The following PTPRT variants were observed in gnomAD, a reference collection of about 807,000 sequenced individuals.
PTPRT encodes the protein protein tyrosine phosphatase receptor type T, also known as receptor-type tyrosine-protein phosphatase T.
In PTPRT, 56 loss-of-function variants were observed where a neutral mutation model predicts 176.8. The observed-to-expected ratio is 0.32, with a 90% confidence interval of 0.26 to 0.40. The LOEUF (loss-of-function observed/expected upper bound fraction) is 0.40. Ranked by LOEUF, PTPRT falls within the 10% of genes least tolerant of loss-of-function variation. The probability of loss-of-function intolerance (pLI) is 1.00; values close to 1 mark genes in which losing one functional copy is unlikely to be tolerated. For synonymous variants in PTPRT, 783 were observed against 739.0 expected (o/e 1.06, Z -0.96); for missense variants, 1,540 against 1,908.2 (o/e 0.81, Z 3.60).
chr20:42,457,797 A>T (rs1257465854), intron 8 of PTPRT, among the ~76,000 whole-genome samples: 5 of 152,176 alleles, frequency 3.3e-5, no homozygotes, highest in Non-Finnish European at 4.4e-5. Context: ...TAGTTACCAC[A>T]GACACTACCC....
At chr20:43,085,621 G>A (rs2011582846) in intron 1 of PTPRT, among the ~76,000 whole-genome samples, 2 of 152,104 alleles carry the variant, frequency 1.3e-5, no homozygotes, top group Non-Finnish European at 2.9e-5. Flanking sequence ...ATGCCAGCAG[G>A]CAAGATAGAG....
In PTPRT at chr20:42,712,103, G is replaced by A. The variant is rs76215245; in HGVS notation, c.860-33944C>T. On this transcript the variant is annotated intron_variant, in intron 6 of 30. Transcript: ENST00000373187. Reference sequence around the variant, plus strand: ...CCTGGACTAATGAGACAAAGGTGATGCAGGAGATGCCAAGCATGAGGGCAT... The same window carrying A: ...CCTGGACTAATGAGACAAAGGTGATACAGGAGATGCCAAGCATGAGGGCAT... Among the ~76,000 whole-genome samples the A allele has an allele frequency of 8.3e-4, 126 of 152,284 alleles. 2 individuals are homozygous for A. In the East Asian group the frequency reaches 0.02, roughly 25 times the overall value.
At chr20:42,930,534 G>A (rs1409677987) in intron 1 of PTPRT, among the ~76,000 whole-genome samples, 2 of 151,922 alleles carry the variant, frequency 1.3e-5, no homozygotes, top group African/African-American at 4.8e-5. Flanking sequence ...CCAGGCTGGA[G>A]TGCAGTGGTA....
At chr20:42,411,517 CAAAAAAAAAAA>C (rs10591184) in intron 9 of PTPRT, among the ~76,000 whole-genome samples, 8 of 88,342 alleles carry the variant, frequency 9.1e-5, no homozygotes, top group Non-Finnish European at 1.7e-4. Context: ...AACCCTGTCT[CAAAAAAAAAAA>C]AAAAAAAAAA....
At chr20:42,897,522 C>T (rs757173626) in intron 1 of PTPRT, among the ~76,000 whole-genome samples, 3 of 152,178 alleles carry the variant, frequency 2.0e-5, no homozygotes, top group Admixed American at 1.3e-4. Context: ...ACAGAAACGG[C>T]GGTGCCCTAG....
intron 1 of PTPRT, among the ~76,000 whole-genome samples, chr20:43,109,343 G>A (rs950116528): frequency 5.3e-5 from 8 of 152,052 alleles, no homozygotes; most frequent in African/African-American, 1.4e-4. Context: ...CTGGGAGTGC[G>A]TGCTTTTCGA....
Position 42,161,491 on chromosome 20 carries a change from T to C in PTPRT, c.2543A>G (p.His848Arg), listed in dbSNP as rs765353986. 2.5e-6 allele frequency: 4 copies of C among 1,613,802 alleles called. No homozygotes were observed. Among genetic ancestry groups the C allele is most frequent in the Non-Finnish European group, 2.5e-6 (3 of 1,179,794 alleles). The change falls in exon 17 of 31, where the codon CAT becomes CGT. Residue 848 changes from histidine (H) to arginine (R), a missense_variant. Around this residue, in one of 11 missense-constraint regions of PTPRT, gnomAD observed 255 missense variants for 250.1 expected, o/e 1.02. Coordinates refer to ENST00000373187, the MANE Select transcript of PTPRT (RefSeq NM_007050.6). ...CACAGGGTCACAGGTGCGGTAGGGA[T>C]GAGTCTGGATCGTGAGGGTGGGCTG... is the stretch of plus-strand genomic sequence containing the variant. Reference protein sequence around the residue: ...LSQPTLTIQTHPYRTCDPVEM... With the variant: ...LSQPTLTIQTRPYRTCDPVEM...
chr20:43,122,402 A>G (rs1480451737), intron 1 of PTPRT, among the ~76,000 whole-genome samples: 2 of 152,186 alleles, frequency 1.3e-5, no homozygotes, highest in African/African-American at 4.8e-5. Context: ...TCAGTCCTAG[A>G]AAGGCCTGTC....
chr20:43,148,550 G>A (rs770638279), intron 1 of PTPRT, among the ~76,000 whole-genome samples: 16 of 152,146 alleles, frequency 1.1e-4, no homozygotes, highest in Non-Finnish European at 2.2e-4. Context: ...ATGATTCCAC[G>A]AGAAATCTCC....
chr20:42,577,495 C>A (rs2073281860), intron 7 of PTPRT, among the ~76,000 whole-genome samples: 1 of 152,178 alleles, frequency 6.6e-6, no homozygotes, highest in East Asian at 1.9e-4. Flanking sequence ...TTGTTTCTCT[C>A]CTGACCTGGA....
intron 17 of PTPRT, among the ~76,000 whole-genome samples, chr20:42,159,075 T>C (rs1189995800): frequency 1.3e-5 from 2 of 151,700 alleles, no homozygotes; most frequent in South Asian, 4.2e-4. Context: ...TTCTTACATA[T>C]GTGTTTCTCA....
chr20:42,480,598 T>A (rs558343474), intron 7 of PTPRT, among the ~76,000 whole-genome samples: 1 of 152,278 alleles, frequency 6.6e-6, no homozygotes, highest in South Asian at 2.1e-4. Context: ...AAACTGATGC[T>A]AGGGGGATGC....
At chr20:43,017,505 C>T (rs1249925662) in intron 1 of PTPRT, among the ~76,000 whole-genome samples, 1 of 152,210 alleles carries the variant, frequency 6.6e-6, no homozygotes, top group African/African-American at 2.4e-5. Flanking sequence ...TGTCTTCCCC[C>T]TCTGCATCTG....
chr20:42,123,189 A>G (rs1024307499), intron 19 of PTPRT, among the ~76,000 whole-genome samples: 1 of 152,208 alleles, frequency 6.6e-6, no homozygotes. Flanking sequence ...GAGACCCTGG[A>G]GGAAGCTGTG....
chr20:42,408,858 G>A (rs977000526), intron 9 of PTPRT, among the ~76,000 whole-genome samples: 1 of 152,210 alleles, frequency 6.6e-6, no homozygotes, highest in Non-Finnish European at 1.5e-5. Context: ...TGGCAGATTG[G>A]TGTCTGATAA....
At chr20:42,552,511 G>A (rs181418659) in intron 7 of PTPRT, among the ~76,000 whole-genome samples, 2 of 152,146 alleles carry the variant, frequency 1.3e-5, no homozygotes. Context: ...AAACAAAAAT[G>A]ACACCACAAT....
At chr20:43,163,421 G>A (rs139887669) in intron 1 of PTPRT, among the ~76,000 whole-genome samples, 2,510 of 152,184 alleles carry the variant, frequency 0.016, 25 homozygotes, top group South Asian at 0.043. Context: ...GGCAAATCAC[G>A]AGGTCACGAG....
chr20:42,483,197 G>A (rs372026248), intron 7 of PTPRT, among the ~76,000 whole-genome samples: 18 of 151,960 alleles, frequency 1.2e-4, no homozygotes, highest in East Asian at 3.9e-4. Context: ...AGACAGTCTC[G>A]CTCTGTCACC....
chr20:42,538,443 T>C (rs1450416097), intron 7 of PTPRT, among the ~76,000 whole-genome samples: 1 of 152,120 alleles, frequency 6.6e-6, no homozygotes, highest in Non-Finnish European at 1.5e-5. Context: ...AATTAATAGG[T>C]CCTAGAAAGA....
Sources: allele counts gnomAD v4.1 joint callset (sites outside exome capture counted in the v4.1 genomes callset), GRCh38; gene constraint gnomAD v4.1.1; regional missense constraint gnomAD v4.1.1; transcripts MANE v1.5; gene names NCBI Gene and HGNC (gene_info 2026-07-23, HGNC 2026-07-21).